The following BRWD1 variants were observed in gnomAD, a reference collection of about 807,000 sequenced individuals.
The protein encoded by BRWD1 is bromodomain and WD repeat domain containing 1.
In BRWD1, 82 loss-of-function variants were observed where a neutral mutation model predicts 251.2. The observed-to-expected ratio is 0.33, with a 90% confidence interval of 0.27 to 0.39. The LOEUF (loss-of-function observed/expected upper bound fraction) is 0.39, where lower values mean the gene tolerates loss of function less well. BRWD1 is among the 10% of genes least tolerant of loss of function. The pLI is 1.00. For synonymous variants in BRWD1, 918 were observed against 902.8 expected, an observed-to-expected ratio of 1.02 and a Z score of -0.30; for missense variants, 2,233 against 2,711.6, an observed-to-expected ratio of 0.82 and a Z score of 3.92.
chr21:39,248,940 A>G (rs1218913476), intron 20 of BRWD1, among the ~76,000 whole-genome samples: 1 of 152,200 alleles, frequency 6.6e-6, no homozygotes, highest in Non-Finnish European at 1.5e-5. Context: ...TATTCACAAT[A>G]GTATAAGACA....
At chr21:39,213,820 T>A (rs190449740) in intron 32 of BRWD1, among the ~76,000 whole-genome samples, 1 of 151,892 alleles carries the variant, frequency 6.6e-6, no homozygotes. Context: ...ATGGCCTCAA[T>A]TGGATGAATA....
intron 36 of BRWD1, among the ~76,000 whole-genome samples, chr21:39,207,945 C>T (rs2032484069): frequency 6.6e-6 from 1 of 152,124 alleles, no homozygotes; most frequent in African/African-American, 2.4e-5. Flanking sequence ...ATGAAATTAT[C>T]TAGGACAGGC....
At chr21:39,260,755 A>G (rs947002293) in intron 17 of BRWD1, among the ~76,000 whole-genome samples, 3 of 152,216 alleles carry the variant, frequency 2.0e-5, no homozygotes, top group Non-Finnish European at 4.4e-5. Context: ...AGGTTACAGA[A>G]CAAAAGAGAG....
At chr21:39,243,818 T>A (rs1003160797) in intron 21 of BRWD1, among the ~76,000 whole-genome samples, 1 of 152,182 alleles carries the variant, frequency 6.6e-6, no homozygotes, top group Admixed American at 6.5e-5. Context: ...TCAAGAGGCA[T>A]ATGTACAACT....
rs774573914 is a variant in BRWD1 at position 39,229,383 on chromosome 21, T to G, written c.3054A>C (p.Thr1018=). Residue 1018 remains threonine (T), a synonymous_variant, in exon 26 of 41, where the codon ACA becomes ACC. Transcript: ENST00000342449. ...VGIRYEVGPP[T]LCCLKLAFID... ...TAAATGCTAGTTTTAGGCAACAGAGTGTAGGGGGCCCAACTTCATATCGTA... is the reference window on the plus strand; with the variant it reads ...TAAATGCTAGTTTTAGGCAACAGAGGGTAGGGGGCCCAACTTCATATCGTA... The G allele has an allele frequency of 6.2e-7, 1 of 1,610,156 alleles. No individual in the cohort carries two copies. Among genetic ancestry groups the G allele is most frequent in the Non-Finnish European group, 8.5e-7 (1 of 1,176,742 alleles).
chr21:39,267,827 T>A (rs990044221), intron 15 of BRWD1, among the ~76,000 whole-genome samples: 1 of 152,206 alleles, frequency 6.6e-6, no homozygotes, highest in African/African-American at 2.4e-5. Context: ...ATTAATTGTG[T>A]AAAAGTTAAC....
chr21:39,295,981 C>A, intron 6 of BRWD1, 78 bp from the exon 7 acceptor site: 1 of 1,252,394 alleles, frequency 8.0e-7, no homozygotes, highest in Non-Finnish European at 1.1e-6. Flanking sequence ...ATAACAATTT[C>A]TAGAGGGTCA....
intron 4 of BRWD1, among the ~76,000 whole-genome samples, chr21:39,312,102 T>C (rs1041203436): frequency 8.5e-5 from 13 of 152,260 alleles, no homozygotes; most frequent in Non-Finnish European, 1.9e-4. Context: ...CTGCAACTGC[T>C]GTAACTATAG....
intron 15 of BRWD1, among the ~76,000 whole-genome samples, chr21:39,267,892 A>G (rs1042826771): frequency 6.6e-6 from 1 of 152,220 alleles, no homozygotes; most frequent in Non-Finnish European, 1.5e-5. Flanking sequence ...AAATTCTTTA[A>G]AAATAAAAAT....
chr21:39,273,414 A>T (rs2035180616), intron 13 of BRWD1, among the ~76,000 whole-genome samples: 1 of 152,228 alleles, frequency 6.6e-6, no homozygotes, highest in Non-Finnish European at 1.5e-5. Flanking sequence ...AAAAAACAAG[A>T]TCAAATTTAT....
rs376810485 is a variant in BRWD1 at position 39,216,726 on chromosome 21, T to A, written c.3660-1364A>T. On this transcript the variant is annotated intron_variant, in intron 31 of 40. Transcript: ENST00000342449. ...CTGCTTTTTGGACTGTGTTAAAGAC[T>A]TCACAACAAAAGTAAAGCCTGAAGA... The A allele has an allele frequency of 1.3e-4, 53 of 419,738 alleles. No individual in the cohort carries two copies. In the East Asian group the frequency reaches 3.2e-3, roughly 25 times the overall value. 26.0% of individuals were successfully genotyped at this position (419,738 alleles called of 1,614,324 possible).
Position 39,190,702 on chromosome 21 carries a change from TG to T in BRWD1, c.*5556del, listed in dbSNP as rs1485658813. On this transcript the variant is annotated 3_prime_UTR_variant, in exon 41 of 41. Coordinates refer to ENST00000342449, the MANE Select transcript of BRWD1 (RefSeq NM_033656.4). ...AAGTTTCCAAAAACATCCCATAAAC[TG>T]AAGTACCCCAATGGCTGTAGAATAA... 5.1e-6 allele frequency: 5 copies of T among 985,242 alleles called. No individual in the cohort carries two copies. Among genetic ancestry groups the T allele is most frequent in the Middle Eastern group, 5.2e-4 (1 of 1,936 alleles). 61.0% of individuals were successfully genotyped at this position (985,242 alleles called of 1,614,324 possible).
rs754012531 is a variant in BRWD1 at position 39,264,569 on chromosome 21, C to T, written c.1776G>A (p.Leu592=). 6.2e-7 allele frequency: 1 copy of T among 1,613,054 alleles called. No homozygotes were observed. The highest frequency in any genetic ancestry group is 8.5e-7 in the Non-Finnish European group (1 of 1,179,548). The change falls in exon 17 of 41, where the codon TTG becomes TTA. Residue 592 remains leucine, a synonymous_variant. Coordinates refer to ENST00000342449, the MANE Select transcript of BRWD1 (RefSeq NM_033656.4). ...GATGAGGATTTCCATCTACATCTAC[C>T]AAGAATGGTGGAGGCATAAGATGAG... ...QAPHLMPPPF[L]VDVDGNPHPT...
chr21:39,209,172 A>G (rs906976183), intron 36 of BRWD1, among the ~76,000 whole-genome samples: 4 of 152,210 alleles, frequency 2.6e-5, no homozygotes, highest in African/African-American at 9.6e-5. Context: ...AAATTTGCAC[A>G]CGCAACCCAT....
At chr21:39,224,539 TA>T in intron 28 of BRWD1, 70 bp from the exon 29 acceptor site, 2 of 1,037,288 alleles carry the variant, frequency 1.9e-6, no homozygotes, top group Non-Finnish European at 1.5e-6. Context: ...GTATCCATTA[TA>T]AAAATACAAA....
Position 39,298,498 on chromosome 21 carries a change from G to A in BRWD1, c.283C>T (p.Pro95Ser), listed in dbSNP as rs774416395. ...AAAGAAGTGACTCTTGAAATACTGGGTGGAATTTCTTTATCCAACATAGGA... is the reference window on the plus strand; with the variant it reads ...AAAGAAGTGACTCTTGAAATACTGGATGGAATTTCTTTATCCAACATAGGA... ...IGPMLDKEIP[P>S]SISRVTSLLG... is the part of the protein sequence containing the mutation. The change falls in exon 5 of 41, where the codon CCC becomes TCC. Residue 95 changes from proline (P) to serine (S), a missense_variant. Transcript: ENST00000342449. 3.1e-6 allele frequency: 5 copies of A among 1,611,134 alleles called. No individual in the cohort carries two copies. The highest frequency in any genetic ancestry group is 1.7e-4 in the Middle Eastern group (1 of 6,042).
chr21:39,216,852 A>G (rs1211427785), intron 31 of BRWD1: 1 of 204,808 alleles, frequency 4.9e-6, no homozygotes, highest in East Asian at 1.4e-4. Context: ...CTTGTGCCAC[A>G]GGGGTTGGCT....
intron 25 of BRWD1, among the ~76,000 whole-genome samples, chr21:39,230,323 G>C (rs2033560241): frequency 6.6e-6 from 1 of 152,088 alleles, no homozygotes; most frequent in Non-Finnish European, 1.5e-5. Context: ...GAATACAACA[G>C]ATCATTCATC....
intron 31 of BRWD1, chr21:39,216,717 G>T: frequency 2.4e-6 from 1 of 420,526 alleles, no homozygotes; most frequent in Non-Finnish European, 4.7e-6. Context: ...TTTGGACTGT[G>T]TTAAAGACTT....
Sources: allele counts gnomAD v4.1 joint callset (sites outside exome capture counted in the v4.1 genomes callset), GRCh38; gene constraint gnomAD v4.1.1; transcripts MANE v1.5; gene names NCBI Gene and HGNC (gene_info 2026-07-23, HGNC 2026-07-21).